Variants in DAB1 observed in about 807,000 individuals in gnomAD.
DAB1 encodes the protein disabled homolog 1.
In DAB1, 15 loss-of-function variants were observed where a neutral mutation model predicts 64.6. That is an observed-to-expected ratio of 0.23 (90% CI 0.16 to 0.36). DAB1 has a LOEUF of 0.36. Ranked by LOEUF, DAB1 falls within the 10% of genes least tolerant of loss-of-function variation. The pLI, the probability that DAB1 is intolerant of heterozygous loss-of-function variation, is 1.00. For missense variants in DAB1, 596 were observed against 706.7 expected (o/e 0.84, Z 1.78); for synonymous variants, 235 against 251.9 (o/e 0.93, Z 0.64).
At chr1:57,449,384 C>CT (rs11418578) in intron 7 of DAB1, among the ~76,000 whole-genome samples, 48,213 of 139,526 alleles carry the variant, frequency 0.35, 9,033 homozygotes, top group Non-Finnish European at 0.44. Context: ...TGTCTATCTG[C>CT]TTTTTTTTTT....
chr1:57,712,499 C>T (rs895307079), intron 6 of DAB1, among the ~76,000 whole-genome samples: 2 of 152,026 alleles, frequency 1.3e-5, no homozygotes, highest in African/African-American at 4.8e-5. Context: ...TAGTGATGTA[C>T]CCAATATTCC....
intron 6 of DAB1, among the ~76,000 whole-genome samples, chr1:57,763,108 G>A (rs80256171): frequency 0.048 from 7,298 of 152,226 alleles, 259 homozygotes; most frequent in South Asian, 0.077. Flanking sequence ...TTAACGATGC[G>A]ACACAGGATG....
At chr1:57,371,049 G>A (rs1680451563) in intron 1 of DAB1, among the ~76,000 whole-genome samples, 1 of 152,206 alleles carries the variant, frequency 6.6e-6, no homozygotes, top group Admixed American at 6.5e-5. Flanking sequence ...GGGCAGCAAG[G>A]AGAGATCTGG....
intron 3 of DAB1, among the ~76,000 whole-genome samples, chr1:58,460,579 A>G (rs1645234588): frequency 6.6e-6 from 1 of 152,126 alleles, no homozygotes; most frequent in Admixed American, 6.5e-5. Context: ...AACACTTACT[A>G]TGTCATTTTA....
intron 3 of DAB1, among the ~76,000 whole-genome samples, chr1:57,138,425 AG>A (rs1386187276): frequency 6.6e-6 from 1 of 152,030 alleles, no homozygotes; most frequent in Non-Finnish European, 1.5e-5. Flanking sequence ...TTTTCCTTCT[AG>A]GGAGCCTAAG....
chr1:57,004,701 G>A (rs759553265), intron 14 of DAB1, among the ~76,000 whole-genome samples: 3 of 152,322 alleles, frequency 2.0e-5, no homozygotes, highest in Non-Finnish European at 4.4e-5. Flanking sequence ...AATGAAAAAG[G>A]TATTGGTAGT....
intron 7 of DAB1, among the ~76,000 whole-genome samples, chr1:57,607,111 T>G (rs193084710): frequency 9.2e-5 from 14 of 152,212 alleles, no homozygotes; most frequent in Admixed American, 7.9e-4. Context: ...TTTCATGATG[T>G]GTTGGTGAAT....
At chr1:57,678,193 T>C (rs933016874) in intron 6 of DAB1, among the ~76,000 whole-genome samples, 1 of 151,800 alleles carries the variant, frequency 6.6e-6, no homozygotes, top group African/African-American at 2.4e-5. Flanking sequence ...CAGAGGCACA[T>C]ATGGGCAACA....
At chr1:58,340,492 T>C (rs982940031) in intron 4 of DAB1, among the ~76,000 whole-genome samples, 1 of 152,150 alleles carries the variant, frequency 6.6e-6, no homozygotes. Context: ...ATGAGGTCAT[T>C]AGAACAGTAA....
chr1:57,857,868 A>G (rs1009374282), intron 1 of DAB1, among the ~76,000 whole-genome samples: 6 of 150,530 alleles, frequency 4.0e-5, no homozygotes, highest in African/African-American at 1.5e-4. Flanking sequence ...AAAAAAAAAG[A>G]AAAAAGAAAA....
intron 1 of DAB1, among the ~76,000 whole-genome samples, chr1:57,870,094 A>G (rs1253715458): frequency 6.6e-6 from 1 of 152,150 alleles, no homozygotes; most frequent in African/African-American, 2.4e-5. Flanking sequence ...CCTCCTCTGT[A>G]TAATGGGGGC....
intron 6 of DAB1, among the ~76,000 whole-genome samples, chr1:57,722,336 AT>A (rs1312108180): frequency 6.6e-6 from 1 of 152,184 alleles, no homozygotes; most frequent in Non-Finnish European, 1.5e-5. Context: ...AGTCATAAGA[AT>A]AAAAAAACAC....
At chr1:58,480,120 T>A (rs1202066144) in intron 3 of DAB1, among the ~76,000 whole-genome samples, 1 of 152,062 alleles carries the variant, frequency 6.6e-6, no homozygotes, top group African/African-American at 2.4e-5. Flanking sequence ...CCACTGGGGG[T>A]ATGTCTTGTG....
At chr1:57,056,521 GA>G (rs983064351) in intron 9 of DAB1, among the ~76,000 whole-genome samples, 8 of 138,494 alleles carry the variant, frequency 5.8e-5, no homozygotes, top group South Asian at 2.4e-4. Flanking sequence ...AAAAAAAAAA[GA>G]AAAAAAAGAA....
At chr1:58,055,882 G>GTTACTATTATTATTATTA (rs1648030942) in intron 5 of DAB1, among the ~76,000 whole-genome samples, 1 of 147,642 alleles carries the variant, frequency 6.8e-6, no homozygotes, top group Non-Finnish European at 1.5e-5. Context: ...ATCACACCGA[G>GTTACTATTATTATTATTA]TTATTATTAT....
At chr1:57,536,615 G>GA (rs11452636) in intron 7 of DAB1, among the ~76,000 whole-genome samples, 91,069 of 140,912 alleles carry the variant, frequency 0.65, 31,376 homozygotes, top group Non-Finnish European at 0.78. Context: ...CTGACATCCA[G>GA]AAAAAAAAAA....
At chr1:57,982,428 A>C (rs550386630) in intron 5 of DAB1, among the ~76,000 whole-genome samples, 4 of 152,302 alleles carry the variant, frequency 2.6e-5, no homozygotes, top group Non-Finnish European at 5.9e-5. Flanking sequence ...TTAGAATTGG[A>C]AAATTCAAAT....
intron 7 of DAB1, among the ~76,000 whole-genome samples, chr1:57,637,599 T>C (rs1038152249): frequency 6.6e-6 from 1 of 151,974 alleles, no homozygotes; most frequent in Non-Finnish European, 1.5e-5. Context: ...GGAGGCAGGG[T>C]TGATAAAGAC....
At chr1:58,164,023 C>G (rs1655684551) in intron 4 of DAB1, among the ~76,000 whole-genome samples, 1 of 152,088 alleles carries the variant, frequency 6.6e-6, no homozygotes, top group South Asian at 2.1e-4. Context: ...ACTCTGACTG[C>G]TGAGCTATGC....
Sources: gnomAD v4.1 joint callset for allele counts (sites outside exome capture counted in the v4.1 genomes callset) on GRCh38, gnomAD v4.1.1 for gene constraint, MANE v1.5 for transcripts, NCBI Gene and HGNC (gene_info 2026-07-23, HGNC 2026-07-21) for gene names.